Variants in IDO2 observed in about 807,000 individuals in gnomAD.
The protein encoded by IDO2 is indoleamine 2,3-dioxygenase 2.
IDO2 carries 46 observed loss-of-function variants against 45.1 expected under a neutral mutation model. That is an observed-to-expected ratio of 1.02 (90% CI 0.80 to 1.30). IDO2 has a LOEUF of 1.30. Ranked by LOEUF, IDO2 falls within the 50% of genes most tolerant of loss-of-function variation. The pLI is 0.00. For synonymous variants in IDO2, 218 were observed against 184.9 expected (o/e 1.18, Z -1.45); for missense variants, 544 against 491.8 (o/e 1.11, Z -1.00).
chr8:39,996,864 A>T (rs1043842506), intron 8 of IDO2, among the ~76,000 whole-genome samples: 1 of 152,206 alleles, frequency 6.6e-6, no homozygotes, highest in Admixed American at 6.5e-5. Context: ...TAACTCAAAA[A>T]CAAGTCTAGT....
intron 1 of IDO2, among the ~76,000 whole-genome samples, chr8:39,936,821 G>A (rs1194191987): frequency 6.6e-6 from 1 of 152,152 alleles, no homozygotes; most frequent in Non-Finnish European, 1.5e-5. Context: ...GTTTGAAACT[G>A]AAATCTATAA....
At chr8:39,996,631 C>T (rs1359103388) in intron 8 of IDO2, among the ~76,000 whole-genome samples, 2 of 151,878 alleles carry the variant, frequency 1.3e-5, no homozygotes, top group South Asian at 2.1e-4. Flanking sequence ...CTCTTGTCTC[C>T]GCACACGAGG....
chr8:40,004,561 A>AGAT (rs1554549494), intron 8 of IDO2, among the ~76,000 whole-genome samples: 4 of 151,576 alleles, frequency 2.6e-5, no homozygotes, highest in Non-Finnish European at 5.9e-5. Flanking sequence ...ATAGATAGAT[A>AGAT]GATAGACGAT....
intron 6 of IDO2, 187 bp from the exon 7 acceptor site, chr8:39,987,684 A>G: frequency 5.5e-6 from 3 of 546,152 alleles, no homozygotes; most frequent in South Asian, 5.5e-5. Flanking sequence ...AATTGAACTT[A>G]TCTGTTCTCT....
intron 10 of IDO2, 86 bp downstream of exon 10, chr8:40,013,799 A>G (rs1802345953): frequency 2.0e-6 from 2 of 1,008,788 alleles, no homozygotes; most frequent in Non-Finnish European, 2.8e-6. Flanking sequence ...AAAACCAAAT[A>G]TAAATTAAAA....
intron 1 of IDO2, among the ~76,000 whole-genome samples, chr8:39,938,895 T>A (rs542585950): frequency 2.1e-4 from 32 of 152,294 alleles, no homozygotes; most frequent in African/African-American, 7.2e-4. Flanking sequence ...ACTACATTTC[T>A]ACATTGGTGA....
At chr8:39,978,106 C>G (rs558676291) in intron 3 of IDO2, among the ~76,000 whole-genome samples, 1 of 152,190 alleles carries the variant, frequency 6.6e-6, no homozygotes, top group Non-Finnish European at 1.5e-5. Context: ...GGAAGAAGTG[C>G]GCAGTCTGGC....
intron 9 of IDO2, 111 bp from the exon 10 acceptor site, chr8:40,013,454 A>G: frequency 9.2e-7 from 1 of 1,092,612 alleles, no homozygotes; most frequent in South Asian, 1.5e-5. Context: ...TCACCCTAAA[A>G]TTACCATTGA....
At chr8:40,001,410 C>G (rs1194622432) in intron 8 of IDO2, among the ~76,000 whole-genome samples, 1 of 151,674 alleles carries the variant, frequency 6.6e-6, no homozygotes, top group South Asian at 2.1e-4. Flanking sequence ...CCACCATGCC[C>G]AGCTAATTTT....
intron 1 of IDO2, among the ~76,000 whole-genome samples, chr8:39,941,220 T>TAAAAA (rs1585393190): frequency 1.7e-4 from 2 of 12,018 alleles, no homozygotes; most frequent in African/African-American, 3.7e-4. Context: ...AGACTCCATC[T>TAAAAA]CAAAAAAAAA....
At chr8:39,946,019 G>C (rs1046439563) in intron 1 of IDO2, among the ~76,000 whole-genome samples, 1 of 152,118 alleles carries the variant, frequency 6.6e-6, no homozygotes, top group Admixed American at 6.6e-5. Context: ...CCTTTAGTGG[G>C]ACTAACATTA....
exon 11 of IDO2, chr8:40,016,335 G>C (rs1444130023): frequency 2.0e-5 from 8 of 395,080 alleles, no homozygotes; most frequent in Non-Finnish European, 3.6e-5. Flanking sequence ...AAGAAAACTG[G>C]GAATAAGTAG....
chr8:39,960,398 C>T (rs1807974228), intron 2 of IDO2, among the ~76,000 whole-genome samples: 1 of 152,186 alleles, frequency 6.6e-6, no homozygotes, highest in South Asian at 2.1e-4. Flanking sequence ...CAGTCCTTTG[C>T]TCCTTCTGCA....
chr8:40,006,308 A>G (rs1802219788), intron 9 of IDO2, among the ~76,000 whole-genome samples: 1 of 152,248 alleles, frequency 6.6e-6, no homozygotes. Context: ...GTTGACATAA[A>G]TAAGCTTTGC....
intron 8 of IDO2, among the ~76,000 whole-genome samples, chr8:39,997,137 C>G (rs1802056742): frequency 6.6e-6 from 1 of 152,138 alleles, no homozygotes; most frequent in African/African-American, 2.4e-5. Context: ...ATTCATAATA[C>G]AAGCAACTTG....
intron 1 of IDO2, among the ~76,000 whole-genome samples, chr8:39,939,642 T>A: frequency 7.5e-6 from 1 of 134,028 alleles, no homozygotes. Flanking sequence ...TGTTATTAAG[T>A]ACAGTAAAAT....
intron 5 of IDO2, 60 bp from the exon 6 acceptor site, chr8:39,985,448 T>C (rs886945497): frequency 5.6e-6 from 8 of 1,432,528 alleles, no homozygotes; most frequent in Non-Finnish European, 7.7e-6. Context: ...GTTTACAAAC[T>C]GAATTGTTCT....
intron 7 of IDO2, among the ~76,000 whole-genome samples, chr8:39,988,886 G>A (rs181902313): frequency 3.3e-5 from 5 of 152,022 alleles, no homozygotes; most frequent in Admixed American, 6.6e-5. Context: ...GTCAAATATC[G>A]GCCTTCCAAG....
chr8:40,014,535 C>G (rs894553689), intron 10 of IDO2, among the ~76,000 whole-genome samples: 4 of 152,152 alleles, frequency 2.6e-5, no homozygotes, highest in Non-Finnish European at 5.9e-5. Context: ...CCCTCCAAAA[C>G]AAAGCACTGA....
Sources: gnomAD v4.1 joint callset for allele counts (sites outside exome capture counted in the v4.1 genomes callset) on GRCh38, gnomAD v4.1.1 for gene constraint, MANE v1.5 for transcripts, NCBI Gene and HGNC (gene_info 2026-07-23, HGNC 2026-07-21) for gene names.